CYTIP: variants seen among roughly 807,000 people sequenced by gnomAD.
CYTIP encodes cytohesin-interacting protein.
CYTIP carries 26 observed loss-of-function variants against 43.8 expected under a neutral mutation model. The observed-to-expected ratio is 0.59, with a 90% CI of 0.44 to 0.82. CYTIP has a LOEUF of 0.82. Ranked by LOEUF, CYTIP falls within the 40% of genes least tolerant of loss-of-function variation. The probability of loss-of-function intolerance (pLI) is 0.00; values close to 1 mark genes in which losing one functional copy is unlikely to be tolerated. For missense variants in CYTIP, 426 were observed against 443.1 expected (o/e 0.96, Z 0.35); for synonymous variants, 162 against 162.9 (o/e 0.99, Z 0.04).
intron 6 of CYTIP, among the ~76,000 whole-genome samples, chr2:157,419,553 C>A (rs372642576): frequency 1.3e-5 from 2 of 152,336 alleles, no homozygotes; most frequent in East Asian, 1.9e-4. Context: ...CAGAAGGCAT[C>A]TGAAAAGACA....
intron 6 of CYTIP, among the ~76,000 whole-genome samples, chr2:157,419,152 C>T (rs886214555): frequency 6.6e-6 from 1 of 152,194 alleles, no homozygotes; most frequent in African/African-American, 2.4e-5. Flanking sequence ...GCACGCCCCA[C>T]CATGCCCGGC....
intron 6 of CYTIP, among the ~76,000 whole-genome samples, chr2:157,421,691 G>A (rs1029956970): frequency 1.3e-5 from 2 of 152,150 alleles, no homozygotes; most frequent in Admixed American, 6.5e-5. Context: ...TTCTAAAGAA[G>A]AGCCCCTGGT....
At chr2:157,442,932 A>G (rs1685940930) in intron 1 of CYTIP, among the ~76,000 whole-genome samples, 1 of 152,214 alleles carries the variant, frequency 6.6e-6, no homozygotes, top group South Asian at 2.1e-4. Context: ...CGAAATTCAA[A>G]TATGTACCTG....
At chr2:157,421,496 C>T (rs1368353437) in intron 6 of CYTIP, among the ~76,000 whole-genome samples, 1 of 152,084 alleles carries the variant, frequency 6.6e-6, no homozygotes, top group African/African-American at 2.4e-5. Flanking sequence ...GTTACAGATT[C>T]GAAAATGAAT....
At position 157,443,957 on chromosome 2, in the gene CYTIP, G is replaced by A. The variant is rs146121793; in HGVS notation, c.64C>T (p.Pro22Ser). The part of the protein sequence containing the change: ...NGNLADFCAG[P>S]AYSSYSTLTG... ...AGTGTGGAGTAAGAGCTATACGCTG[G>A]CCCAGCGCAGAAGTCCGCCAAATTG... Residue 22 changes from proline to serine, a missense_variant, in exon 1 of 8, where the codon CCA becomes TCA. Transcript: ENST00000264192. The A allele has an allele frequency of 6.2e-7, 1 of 1,614,146 alleles. No individual in the cohort carries two copies. Among genetic ancestry groups the A allele is most frequent in the East Asian group, 2.2e-5 (1 of 44,892 alleles).
rs1415077267 is a variant in CYTIP at position 157,417,709 on chromosome 2, A to AC, written c.613+813dup. Among the ~76,000 whole-genome samples, 4 of 152,124 alleles carry AC rather than the reference A, an allele frequency of 2.6e-5. No individual in the cohort carries two copies. The South Asian group carries it at 6.2e-4, about 24-fold the overall frequency. On this transcript the variant is annotated intron_variant, in intron 7 of 7. Transcript: ENST00000264192. ...AACACTTCAATTTAAAAAAAAAAAA[A>AC]CAGAAGTTCATACCAGAACTCTAAG... is the stretch of plus-strand genomic sequence containing the variant.
At chr2:157,425,048 C>A (rs527875344) in intron 6 of CYTIP, among the ~76,000 whole-genome samples, 1 of 151,886 alleles carries the variant, frequency 6.6e-6, no homozygotes, top group African/African-American at 2.4e-5. Flanking sequence ...AAAATTTATT[C>A]TGGATGAATT....
intron 5 of CYTIP, among the ~76,000 whole-genome samples, chr2:157,429,428 G>C (rs964646511): frequency 7.2e-5 from 11 of 152,138 alleles, no homozygotes; most frequent in African/African-American, 2.7e-4. Context: ...AGCATGACAG[G>C]CCATTGCTGT....
intron 6 of CYTIP, among the ~76,000 whole-genome samples, chr2:157,421,859 G>A (rs1208093189): frequency 6.6e-6 from 1 of 152,156 alleles, no homozygotes; most frequent in Non-Finnish European, 1.5e-5. Flanking sequence ...TTCAAGATTA[G>A]AAACAGGACA....
chr2:157,421,017 C>T (rs1685514564), intron 6 of CYTIP, among the ~76,000 whole-genome samples: 1 of 151,978 alleles, frequency 6.6e-6, no homozygotes, highest in African/African-American at 2.4e-5. Flanking sequence ...TTGATTTGAC[C>T]CAGTCATTTC....
At chr2:157,440,238 G>A (rs999300514) in intron 1 of CYTIP, among the ~76,000 whole-genome samples, 2 of 152,054 alleles carry the variant, frequency 1.3e-5, no homozygotes, top group African/African-American at 4.8e-5. Context: ...TTTAAATAAG[G>A]AGCATTAGGA....
chr2:157,428,805 T>C (rs186284221), intron 5 of CYTIP, among the ~76,000 whole-genome samples: 1 of 152,294 alleles, frequency 6.6e-6, no homozygotes, highest in African/African-American at 2.4e-5. Context: ...CCCAATTTGT[T>C]ACCACCACCA....
At position 157,420,336 on chromosome 2, in the gene CYTIP, C is replaced by T. The variant is rs185374594; in HGVS notation, c.547-1747G>A. ...TTCAAGACCAGACTGGCCAACATGG[C>T]GAAACCCCATCTCTACTAAAAATAC... On this transcript the variant is annotated intron_variant, in intron 6 of 7. Transcript: ENST00000264192. Among the ~76,000 whole-genome samples, 280 of 151,966 alleles carry T rather than the reference C, an allele frequency of 1.8e-3. 1 individual carries two copies. The highest frequency in any genetic ancestry group is 6.8e-3 in the Middle Eastern group (2 of 294).
intron 7 of CYTIP, among the ~76,000 whole-genome samples, chr2:157,418,126 A>G (rs369967118): frequency 6.6e-6 from 1 of 152,238 alleles, no homozygotes; most frequent in East Asian, 1.9e-4. Context: ...GCTCTACCCA[A>G]TAAGTGTGCA....
chr2:157,422,594 C>T (rs1189736090), intron 6 of CYTIP, among the ~76,000 whole-genome samples: 6 of 148,606 alleles, frequency 4.0e-5, no homozygotes, highest in African/African-American at 1.0e-4. Flanking sequence ...CCCTTGAACC[C>T]GGGAGGTGGA....
At chr2:157,438,555 A>G (rs932592721) in intron 1 of CYTIP, among the ~76,000 whole-genome samples, 10 of 152,200 alleles carry the variant, frequency 6.6e-5, no homozygotes, top group Non-Finnish European at 1.3e-4. Flanking sequence ...TGAAGAAATG[A>G]TCATTGTGTG....
intron 1 of CYTIP, among the ~76,000 whole-genome samples, chr2:157,440,209 C>A (rs1309828843): frequency 2.6e-5 from 4 of 152,142 alleles, no homozygotes; most frequent in Non-Finnish European, 5.9e-5. Context: ...CCAATTCTTC[C>A]ATGCAACTCC....
intron 6 of CYTIP, 67 bp downstream of exon 6, chr2:157,427,284 G>A (rs1573857320): frequency 1.5e-6 from 2 of 1,327,264 alleles, no homozygotes; most frequent in East Asian, 4.7e-5. Flanking sequence ...TCCTCAAATA[G>A]ATCTTTATTT....
chr2:157,422,176 G>T (rs1169712222), intron 6 of CYTIP, among the ~76,000 whole-genome samples: 1 of 152,178 alleles, frequency 6.6e-6, no homozygotes, highest in African/African-American at 2.4e-5. Flanking sequence ...GAAGCCCCCA[G>T]ACCTGGCTCT....
Sources: gnomAD v4.1 joint callset for allele counts (sites outside exome capture counted in the v4.1 genomes callset) on GRCh38, gnomAD v4.1.1 for gene constraint, MANE v1.5 for transcripts, NCBI Gene and HGNC (gene_info 2026-07-23, HGNC 2026-07-21) for gene names.